Variants in CCNJL observed in about 807,000 individuals in gnomAD.
CCNJL encodes the protein cyclin-J-like protein.
CCNJL carries 33 observed loss-of-function variants against 33.4 expected under a neutral mutation model. The ratio of observed to expected loss-of-function variants is 0.99; its 90% confidence interval spans 0.75 to 1.32. CCNJL has a LOEUF of 1.32. CCNJL is among the 40% of genes most tolerant of loss of function. The pLI, the probability that CCNJL is intolerant of heterozygous loss-of-function variation, is 0.00. For missense variants in CCNJL, 512 were observed against 499.7 expected (o/e 1.02, Z -0.23); for synonymous variants, 227 against 220.9 (o/e 1.03, Z -0.24).
intron 2 of CCNJL, among the ~76,000 whole-genome samples, chr5:160,282,798 A>G (rs1475977642): frequency 2.0e-5 from 3 of 151,396 alleles, no homozygotes; most frequent in Non-Finnish European, 4.4e-5. Context: ...AAAAAAATCA[A>G]TACAAAACTG....
intron 2 of CCNJL, among the ~76,000 whole-genome samples, chr5:160,303,088 G>T (rs905126369): frequency 6.6e-6 from 1 of 152,146 alleles, no homozygotes; most frequent in African/African-American, 2.4e-5. Flanking sequence ...ACAAACAATT[G>T]ATTGTTTCTA....
chr5:160,332,849 T>C (rs1184918947), intron 1 of CCNJL, among the ~76,000 whole-genome samples: 1 of 152,202 alleles, frequency 6.6e-6, no homozygotes, highest in Non-Finnish European at 1.5e-5. Flanking sequence ...TTTTAAAATC[T>C]TGTTTACTCT....
intron 1 of CCNJL, among the ~76,000 whole-genome samples, chr5:160,328,164 G>A (rs1416839676): frequency 6.6e-6 from 1 of 152,210 alleles, no homozygotes; most frequent in African/African-American, 2.4e-5. Flanking sequence ...GAAGAGGAAG[G>A]CCAGATTGTG....
At chr5:160,279,502 T>A (rs1762133174) in intron 3 of CCNJL, among the ~76,000 whole-genome samples, 2 of 152,206 alleles carry the variant, frequency 1.3e-5, no homozygotes, top group Admixed American at 1.3e-4. Flanking sequence ...CTCCTTTCCA[T>A]CCCTGAAACT....
chr5:160,264,052 C>G (rs1343863453), intron 3 of CCNJL, among the ~76,000 whole-genome samples: 2 of 151,460 alleles, frequency 1.3e-5, no homozygotes, highest in African/African-American at 2.4e-5. Flanking sequence ...TTCAGGTGGC[C>G]CTCCCACCTC....
At chr5:160,289,306 G>A (rs1485026685) in intron 2 of CCNJL, among the ~76,000 whole-genome samples, 4 of 152,176 alleles carry the variant, frequency 2.6e-5, no homozygotes, top group Non-Finnish European at 5.9e-5. Flanking sequence ...TTGGTCCCTG[G>A]CACAGAGTAA....
chr5:160,319,391 C>T (rs931532054), intron 1 of CCNJL, among the ~76,000 whole-genome samples: 1 of 152,150 alleles, frequency 6.6e-6, no homozygotes, highest in Non-Finnish European at 1.5e-5. Flanking sequence ...GAAAATTTAT[C>T]ATTTGCGGCA....
At chr5:160,294,079 A>G (rs190798112) in intron 2 of CCNJL, among the ~76,000 whole-genome samples, 117 of 152,280 alleles carry the variant, frequency 7.7e-4, no homozygotes, top group South Asian at 2.5e-3. Context: ...ATGTGTAACC[A>G]AGGTGACCAA....
intron 2 of CCNJL, among the ~76,000 whole-genome samples, chr5:160,283,763 C>T (rs1191423312): frequency 6.6e-6 from 1 of 152,092 alleles, no homozygotes; most frequent in African/African-American, 2.4e-5. Flanking sequence ...CCACCTCCCC[C>T]ACAACCCCCA....
intron 3 of CCNJL, among the ~76,000 whole-genome samples, chr5:160,272,061 G>A (rs1196090411): frequency 1.3e-5 from 2 of 152,198 alleles, no homozygotes; most frequent in African/African-American, 2.4e-5. Context: ...AATTAGAGCC[G>A]TGGAGGCATC....
intron 1 of CCNJL, among the ~76,000 whole-genome samples, chr5:160,327,582 T>C (rs1329795702): frequency 6.6e-6 from 1 of 152,200 alleles, no homozygotes; most frequent in Non-Finnish European, 1.5e-5. Flanking sequence ...GAGGAATTAA[T>C]GCCCAGAGGC....
At chr5:160,305,185 G>C (rs1278543941) in intron 2 of CCNJL, among the ~76,000 whole-genome samples, 3 of 152,016 alleles carry the variant, frequency 2.0e-5, no homozygotes, top group African/African-American at 7.2e-5. Context: ...TTAGGGGAAG[G>C]AGTGAGAAAA....
At chr5:160,259,846 C>T in intron 3 of CCNJL, 75 bp from the exon 4 acceptor site, 5 of 1,256,950 alleles carry the variant, frequency 4.0e-6, no homozygotes, top group Non-Finnish European at 4.5e-6. Flanking sequence ...GCCCACCTTA[C>T]AGTGCCTGGA....
chr5:160,303,987 C>T lies in CCNJL; in HGVS notation c.66+7871G>A, dbSNP rs568733828. Reference sequence around the variant, plus strand: ...AGGGTGCCCAGCCAAGTCCCTTGCCCATCTCATGATGTGGAGGCCCTGGAG... The same window carrying T: ...AGGGTGCCCAGCCAAGTCCCTTGCCTATCTCATGATGTGGAGGCCCTGGAG... On this transcript the variant is annotated intron_variant, in intron 2 of 5. Transcript: ENST00000257536. 4.6e-4 allele frequency among the ~76,000 whole-genome samples: 70 copies of T among 152,308 alleles called. 1 individual carries two copies. Among genetic ancestry groups the T allele is most frequent in the African/African-American group, 1.7e-3 (69 of 41,562 alleles).
upstream of CCNJL, among the ~76,000 whole-genome samples, chr5:160,316,633 T>A (rs1352149051): frequency 6.6e-6 from 1 of 152,232 alleles, no homozygotes; most frequent in Non-Finnish European, 1.5e-5. Context: ...GTCTTATGTT[T>A]CCTTCGGAAG....
chr5:160,294,852 CT>C (rs1312948032), intron 2 of CCNJL: 2 of 152,318 alleles, frequency 1.3e-5, no homozygotes, highest in Non-Finnish European at 1.5e-5. Flanking sequence ...GATCTCTCCG[CT>C]TTCCTCCTGG....
intron 3 of CCNJL, chr5:160,261,371 C>G (rs536044716): frequency 5.7e-4 from 87 of 152,366 alleles, no homozygotes; most frequent in African/African-American, 2.1e-3. Context: ...CAGTGAAGGG[C>G]AGAGGCACTA....
intron 2 of CCNJL, among the ~76,000 whole-genome samples, chr5:160,281,560 C>T (rs983330122): frequency 6.6e-6 from 1 of 152,156 alleles, no homozygotes; most frequent in African/African-American, 2.4e-5. Context: ...ATCAAACCAA[C>T]AAAGTTTTTT....
At chr5:160,297,804 T>C (rs1762796990) in intron 2 of CCNJL, among the ~76,000 whole-genome samples, 1 of 152,190 alleles carries the variant, frequency 6.6e-6, no homozygotes, top group Non-Finnish European at 1.5e-5. Flanking sequence ...GTTCACAAAA[T>C]TGCATATTAT....
Sources: gnomAD v4.1 joint callset for allele counts (sites outside exome capture counted in the v4.1 genomes callset) on GRCh38, gnomAD v4.1.1 for gene constraint, MANE v1.5 for transcripts, NCBI Gene and HGNC (gene_info 2026-07-23, HGNC 2026-07-21) for gene names.